Variants in EEPD1 observed in about 807,000 individuals in gnomAD.
EEPD1 encodes endonuclease/exonuclease/phosphatase family domain containing 1, also known as endonuclease/exonuclease/phosphatase family domain-containing protein 1.
In EEPD1, 17 loss-of-function variants were observed where a neutral mutation model predicts 46.3. The observed-to-expected ratio is 0.37, with a 90% confidence interval of 0.25 to 0.55. EEPD1 has a LOEUF of 0.55. EEPD1 is among the 20% of genes least tolerant of loss of function. The pLI is 0.83. For missense variants in EEPD1, 673 were observed against 745.6 expected (o/e 0.90, Z 1.13); for synonymous variants, 313 against 315.6 (o/e 0.99, Z 0.09).
chr7:36,283,838 A>G (rs1011075890), intron 4 of EEPD1, among the ~76,000 whole-genome samples: 12 of 152,052 alleles, frequency 7.9e-5, no homozygotes, highest in Non-Finnish European at 1.3e-4. Flanking sequence ...TCCTTTTGCA[A>G]TGGGGAAGAG....
intron 2 of EEPD1, among the ~76,000 whole-genome samples, chr7:36,221,453 G>T (rs1481116342): frequency 6.6e-6 from 1 of 152,152 alleles, no homozygotes; most frequent in Admixed American, 6.5e-5. Flanking sequence ...GGATGAGCCT[G>T]GATTGATCTG....
chr7:36,165,630 AG>A lies in EEPD1; in HGVS notation c.878+10431del, dbSNP rs1784971027. Among the ~76,000 whole-genome samples, 4 of 91,070 alleles carry A rather than the reference AG, an allele frequency of 4.4e-5. No individual in the cohort carries two copies. The South Asian group carries it at 1.2e-3, about 28-fold the overall frequency. The allele number at this position is 91,070 out of a possible 152,430, so 59.7% of individuals were successfully genotyped here. On this transcript the variant is annotated intron_variant, in intron 2 of 7. Transcript: ENST00000242108. The stretch of plus-strand genomic sequence containing the variant: ...TTATTTATTTATTTTTAGTAGAGAC[AG>A]GGTTTCCATGTTGACCAGGATGGTC...
At chr7:36,156,470 C>T (rs548049091) in intron 2 of EEPD1, among the ~76,000 whole-genome samples, 2 of 152,092 alleles carry the variant, frequency 1.3e-5, no homozygotes, top group Non-Finnish European at 2.9e-5. Flanking sequence ...TACTCGGCAC[C>T]GGGAGATATT....
intron 2 of EEPD1, among the ~76,000 whole-genome samples, chr7:36,213,148 A>T (rs1036847759): frequency 6.6e-6 from 1 of 152,230 alleles, no homozygotes; most frequent in Non-Finnish European, 1.5e-5. Context: ...GCAAGATTCC[A>T]ACTCCAAAAA....
In EEPD1 at chr7:36,250,348, G is replaced by A. The variant is rs549081557; in HGVS notation, c.930+11312G>A. Among the ~76,000 whole-genome samples the A allele has an allele frequency of 7.2e-5, 11 of 152,346 alleles. No individual in the cohort carries two copies. The South Asian group carries it at 2.1e-3, about 29-fold the overall frequency. ...TTGGCAGCTGTGACTGGAGGAGCAG[G>A]AGGAAGGGACTAGAGGGATGGAGGT... On this transcript the variant is annotated intron_variant, in intron 3 of 7. Coordinates refer to ENST00000242108, the MANE Select transcript of EEPD1 (RefSeq NM_030636.3).
chr7:36,283,420 G>C (rs1787291596), intron 4 of EEPD1, among the ~76,000 whole-genome samples: 1 of 152,162 alleles, frequency 6.6e-6, no homozygotes, highest in Non-Finnish European at 1.5e-5. Flanking sequence ...CTTTTGGGCG[G>C]AAGATGACTC....
At chr7:36,180,862 C>T (rs1296182245) in intron 2 of EEPD1, among the ~76,000 whole-genome samples, 3 of 151,858 alleles carry the variant, frequency 2.0e-5, no homozygotes, top group Non-Finnish European at 4.4e-5. Flanking sequence ...CCCACCCCCT[C>T]ATCATGCACC....
chr7:36,248,183 TATAAAA>T (rs1275735859), intron 3 of EEPD1, among the ~76,000 whole-genome samples: 1 of 151,872 alleles, frequency 6.6e-6, no homozygotes, highest in African/African-American at 2.4e-5. Context: ...AATCTTAACT[TATAAAA>T]ATATATATAC....
At chr7:36,288,669 G>A (rs1006106480) in intron 6 of EEPD1, among the ~76,000 whole-genome samples, 1 of 151,930 alleles carries the variant, frequency 6.6e-6, no homozygotes, top group African/African-American at 2.4e-5. Flanking sequence ...GGTTGAGGAG[G>A]GAGAATCACT....
At position 36,299,277 on chromosome 7, in the gene EEPD1, C is replaced by T. The variant is rs77013955; in HGVS notation, c.*71C>T. ...CCAAGGAATGAGCCCTGTGGGGTGA[C>T]GCTTCAGGGCAGAGCTGCCTTTTAA... On this transcript the variant is annotated 3_prime_UTR_variant, in exon 8 of 8. Transcript: ENST00000242108. 2,023 of 1,515,340 alleles carry T rather than the reference C, an allele frequency of 1.3e-3. 24 individuals carry two copies. In the African/African-American group the frequency reaches 0.024, roughly 18 times the overall value. 93.9% of individuals were successfully genotyped at this position (1,515,340 alleles called of 1,614,324 possible).
chr7:36,198,773 C>T (rs1478630812), intron 2 of EEPD1, among the ~76,000 whole-genome samples: 1 of 152,086 alleles, frequency 6.6e-6, no homozygotes, highest in African/African-American at 2.4e-5. Context: ...TGTCTCCTTC[C>T]CAGGAGGCCT....
intron 2 of EEPD1, among the ~76,000 whole-genome samples, chr7:36,183,040 C>T (rs569830856): frequency 2.6e-5 from 4 of 152,296 alleles, no homozygotes; most frequent in East Asian, 3.9e-4. Flanking sequence ...GCAGCTCAGG[C>T]GGACAGGGCT....
At chr7:36,204,213 T>A (rs7807784) in intron 2 of EEPD1, among the ~76,000 whole-genome samples, 89,813 of 149,930 alleles carry the variant, frequency 0.6, 27,430 homozygotes, top group East Asian at 0.87. Context: ...TAAAAAAAAA[T>A]TTTGTGGAGA....
At chr7:36,196,343 C>T (rs992002127) in intron 2 of EEPD1, among the ~76,000 whole-genome samples, 6 of 152,122 alleles carry the variant, frequency 3.9e-5, no homozygotes, top group Admixed American at 2.0e-4. Context: ...ATGACGACAA[C>T]ATCACTAGGC....
chr7:36,295,007 A>G (rs1001888597), intron 6 of EEPD1, among the ~76,000 whole-genome samples: 4 of 151,900 alleles, frequency 2.6e-5, no homozygotes, highest in Admixed American at 2.6e-4. Flanking sequence ...GTAAAACCCC[A>G]TCTCTACTAA....
At chr7:36,184,486 A>G (rs1331885033) in intron 2 of EEPD1, among the ~76,000 whole-genome samples, 1 of 152,150 alleles carries the variant, frequency 6.6e-6, no homozygotes, top group Non-Finnish European at 1.5e-5. Context: ...CAAGATTCAC[A>G]TGCACCTGGG....
chr7:36,219,800 A>AGTGTGTGTGT (rs1476592033), intron 2 of EEPD1, among the ~76,000 whole-genome samples: 28 of 66,598 alleles, frequency 4.2e-4, no homozygotes, highest in Admixed American at 1.5e-3. Context: ...AGAGAGAGAG[A>AGTGTGTGTGT]GAGAGAGTGT....
chr7:36,257,287 T>G (rs1243665014), intron 3 of EEPD1, among the ~76,000 whole-genome samples: 1 of 152,116 alleles, frequency 6.6e-6, no homozygotes, highest in Non-Finnish European at 1.5e-5. Context: ...GTGAATCTGA[T>G]GATTATGTGT....
intron 3 of EEPD1, among the ~76,000 whole-genome samples, chr7:36,277,938 G>A (rs1787205910): frequency 6.6e-6 from 1 of 152,028 alleles, no homozygotes; most frequent in Non-Finnish European, 1.5e-5. Context: ...GGCTCCTAGA[G>A]CTTACCTGTG....
Sources: allele counts gnomAD v4.1 joint callset (sites outside exome capture counted in the v4.1 genomes callset), GRCh38; gene constraint gnomAD v4.1.1; transcripts MANE v1.5; gene names NCBI Gene and HGNC (gene_info 2026-07-23, HGNC 2026-07-21).